Variants in DLG2 observed in about 807,000 individuals in gnomAD.
The protein encoded by DLG2 is discs large MAGUK scaffold protein 2, also known as disks large homolog 2.
In DLG2, 45 loss-of-function variants were observed where a neutral mutation model predicts 132.5. That is an observed-to-expected ratio of 0.34 (90% CI 0.27 to 0.44). The LOEUF is 0.44. Ranked by LOEUF, DLG2 falls within the 20% of genes least tolerant of loss-of-function variation. DLG2 has a pLI of 1.00. For synonymous variants in DLG2, 424 were observed against 419.6 expected (o/e 1.01, Z -0.13); for missense variants, 1,045 against 1,196.9 (o/e 0.87, Z 1.87).
Position 84,295,315 on chromosome 11 carries a change from CT to C in DLG2, c.520-44025del, listed in dbSNP as rs1456584707. On this transcript the variant is annotated intron_variant, in intron 7 of 27. Coordinates refer to ENST00000376104, the MANE Select transcript of DLG2 (RefSeq NM_001142699.3). Reference sequence around the variant, plus strand: ...TAATATTAATAGTATATGAGAAATGCTTAATAGTTGGTAGTTGTTAGTATAA... The same window carrying C: ...TAATATTAATAGTATATGAGAAATGCTAATAGTTGGTAGTTGTTAGTATAA... 2.0e-5 allele frequency among the ~76,000 whole-genome samples: 3 copies of C among 152,002 alleles called. No individual in the cohort carries two copies. The East Asian group carries it at 5.8e-4, about 29-fold the overall frequency.
chr11:83,632,089 C>T (rs2063662358), intron 19 of DLG2: 1 of 152,078 alleles, frequency 6.6e-6, no homozygotes, highest in Non-Finnish European at 1.5e-5. Flanking sequence ...TCAGGGCTTC[C>T]CTGGAATAAG....
At chr11:83,708,988 T>C (rs1385613542) in intron 18 of DLG2, among the ~76,000 whole-genome samples, 1 of 152,140 alleles carries the variant, frequency 6.6e-6, no homozygotes, top group Non-Finnish European at 1.5e-5. Context: ...TGGTGCCCAT[T>C]TCCCTGACTT....
intron 15 of DLG2, among the ~76,000 whole-genome samples, chr11:83,924,658 A>C (rs2078618372): frequency 6.6e-6 from 1 of 152,154 alleles, no homozygotes; most frequent in African/African-American, 2.4e-5. Flanking sequence ...ACAGTTCTTT[A>C]ATACAAATTA....
intron 2 of DLG2, among the ~76,000 whole-genome samples, chr11:85,609,913 T>C (rs2153268663): frequency 6.6e-6 from 1 of 152,316 alleles, no homozygotes; most frequent in South Asian, 2.1e-4. Context: ...TTGGGAGACT[T>C]TGCTCTCTTC....
intron 8 of DLG2, among the ~76,000 whole-genome samples, chr11:84,204,809 C>T (rs2154302701): frequency 6.6e-6 from 1 of 152,268 alleles, no homozygotes; most frequent in Admixed American, 6.5e-5. Context: ...TCAAGCCATT[C>T]TCCTGCCTCA....
At chr11:85,435,149 A>G (rs1375229757) in intron 3 of DLG2, among the ~76,000 whole-genome samples, 1 of 152,236 alleles carries the variant, frequency 6.6e-6, no homozygotes, top group Admixed American at 6.5e-5. Context: ...TAAACTAGGT[A>G]TTAACGGAAC....
rs1365203310 is a variant in DLG2 at position 85,269,747 on chromosome 11, T to C, written c.186+15473A>G. 6.6e-5 allele frequency among the ~76,000 whole-genome samples: 10 copies of C among 152,184 alleles called. No individual in the cohort carries two copies. In the East Asian group the frequency reaches 1.9e-3, roughly 29 times the overall value. On this transcript the variant is annotated intron_variant, in intron 4 of 27. Transcript: ENST00000376104. ...GAGAAGAAAAAGAATTAAATGAAGG[T>C]CTGCTCTTGTTCTGTTTTGTTTTGT...
intron 4 of DLG2, among the ~76,000 whole-genome samples, chr11:85,171,389 A>G (rs1175185460): frequency 1.3e-5 from 2 of 152,074 alleles, no homozygotes; most frequent in Non-Finnish European, 2.9e-5. Flanking sequence ...TTCCCCATGG[A>G]TCTTTGCAAA....
At chr11:84,524,252 A>C (rs1263373740) in intron 7 of DLG2, among the ~76,000 whole-genome samples, 7 of 152,198 alleles carry the variant, frequency 4.6e-5, no homozygotes, top group African/African-American at 1.4e-4. Context: ...CTTTGGTTCT[A>C]AAAAGAATTC....
intron 15 of DLG2, among the ~76,000 whole-genome samples, chr11:83,910,407 G>A (rs1401660516): frequency 6.6e-6 from 1 of 152,132 alleles, no homozygotes; most frequent in East Asian, 1.9e-4. Context: ...TACTAAAGAA[G>A]TCAAGGTCCT....
intron 6 of DLG2, among the ~76,000 whole-genome samples, chr11:84,896,522 T>C (rs1459001185): frequency 2.0e-5 from 3 of 152,142 alleles, no homozygotes; most frequent in East Asian, 3.9e-4. Context: ...TAAATAGTAA[T>C]TGTATCAATA....
At chr11:84,943,751 C>T (rs1047966215) in intron 6 of DLG2, among the ~76,000 whole-genome samples, 19 of 152,082 alleles carry the variant, frequency 1.2e-4, no homozygotes, top group Admixed American at 2.0e-4. Context: ...TTTAGTATTT[C>T]TACTCATGAT....
chr11:83,499,525 T>C (rs1258943901), intron 21 of DLG2, among the ~76,000 whole-genome samples: 1 of 151,838 alleles, frequency 6.6e-6, no homozygotes, highest in Non-Finnish European at 1.5e-5. Flanking sequence ...GAATTGACAT[T>C]TCCACCAGCA....
At chr11:85,408,507 T>C (rs1597053853) in intron 3 of DLG2, among the ~76,000 whole-genome samples, 2 of 150,702 alleles carry the variant, frequency 1.3e-5, no homozygotes, top group East Asian at 4.0e-4. Context: ...TAACTCGTCA[T>C]CTAGCATTAG....
At chr11:83,874,144 G>T (rs1323459013) in intron 16 of DLG2, among the ~76,000 whole-genome samples, 1 of 140,846 alleles carries the variant, frequency 7.1e-6, no homozygotes, top group Non-Finnish European at 1.5e-5. Context: ...TGGGGAGGTA[G>T]GGAAGGAAAG....
intron 16 of DLG2, among the ~76,000 whole-genome samples, chr11:83,849,399 T>C (rs2059247688): frequency 6.6e-6 from 1 of 151,428 alleles, no homozygotes; most frequent in African/African-American, 2.4e-5. Context: ...AGCATAAACA[T>C]TTGTCAAGTA....
chr11:84,227,623 T>TA (rs1467102742), intron 8 of DLG2, among the ~76,000 whole-genome samples: 2 of 152,114 alleles, frequency 1.3e-5, no homozygotes, highest in African/African-American at 2.4e-5. Context: ...GTTGGTGCTT[T>TA]AAAAAATATG....
intron 19 of DLG2, among the ~76,000 whole-genome samples, chr11:83,624,267 T>C (rs2062114469): frequency 6.6e-6 from 1 of 152,166 alleles, no homozygotes; most frequent in South Asian, 2.1e-4. Flanking sequence ...TGATGGTCAA[T>C]GGAAGAGTCA....
At chr11:84,402,500 C>T (rs1567538830) in intron 7 of DLG2, among the ~76,000 whole-genome samples, 1 of 151,940 alleles carries the variant, frequency 6.6e-6, no homozygotes, top group East Asian at 1.9e-4. Flanking sequence ...GCTTTTTCCA[C>T]TACTGGCACT....
Sources: gnomAD v4.1 joint callset for allele counts (sites outside exome capture counted in the v4.1 genomes callset) on GRCh38, gnomAD v4.1.1 for gene constraint, MANE v1.5 for transcripts, NCBI Gene and HGNC (gene_info 2026-07-23, HGNC 2026-07-21) for gene names.